The following COL22A1 variants were observed in gnomAD, a reference collection of about 807,000 sequenced individuals.
COL22A1 encodes collagen alpha-1(XXII) chain.
COL22A1 carries 221 observed loss-of-function variants against 248.9 expected under a neutral mutation model. The observed-to-expected ratio is 0.89, with a 90% CI of 0.80 to 0.99. COL22A1 has a LOEUF of 0.99. COL22A1 is among the 50% of genes least tolerant of loss of function. COL22A1 has a pLI of 0.00. For synonymous variants in COL22A1, 891 were observed against 793.4 expected (o/e 1.12, Z -2.07); for missense variants, 2,240 against 2,179.0 (o/e 1.03, Z -0.56).
chr8:138,625,115 A>C (rs1820129611), intron 51 of COL22A1, among the ~76,000 whole-genome samples: 1 of 152,226 alleles, frequency 6.6e-6, no homozygotes. Context: ...TTACACCAAT[A>C]GAAATGCGAT....
chr8:138,766,983 G>A (rs1833959395), intron 16 of COL22A1, among the ~76,000 whole-genome samples: 2 of 152,174 alleles, frequency 1.3e-5, no homozygotes, highest in Admixed American at 6.5e-5. Flanking sequence ...CCCGGGCTCC[G>A]GGGTAGAGGG....
At chr8:138,892,475 A>C (rs948283780) in intron 1 of COL22A1, among the ~76,000 whole-genome samples, 1 of 152,152 alleles carries the variant, frequency 6.6e-6, no homozygotes, top group East Asian at 1.9e-4. Context: ...GAACCTCCAC[A>C]CTCCCCAGCC....
chr8:138,843,634 C>T (rs377267892), intron 4 of COL22A1, among the ~76,000 whole-genome samples: 9 of 152,142 alleles, frequency 5.9e-5, no homozygotes, highest in African/African-American at 1.7e-4. Flanking sequence ...TGAGACTCTG[C>T]GGTATTTCTT....
At chr8:138,657,879 G>A (rs1223713652) in intron 44 of COL22A1, among the ~76,000 whole-genome samples, 1 of 152,224 alleles carries the variant, frequency 6.6e-6, no homozygotes, top group African/African-American at 2.4e-5. Context: ...AGGTGGGACA[G>A]CTTGGTGGTT....
In COL22A1 at chr8:138,860,063, C is replaced by T. The variant is rs1261103518; in HGVS notation, c.659-15905G>A. 2.0e-5 allele frequency among the ~76,000 whole-genome samples: 3 copies of T among 152,168 alleles called. No individual in the cohort carries two copies. In the East Asian group the frequency reaches 5.8e-4, roughly 29 times the overall value. On this transcript the variant is annotated intron_variant, in intron 3 of 64. Transcript: ENST00000303045. Reference sequence around the variant, plus strand: ...TCACATTTCCTAACTAACCAGCCAACCCCTTCACCCACCCCACCTCTGACC... The same window carrying T: ...TCACATTTCCTAACTAACCAGCCAATCCCTTCACCCACCCCACCTCTGACC...
At chr8:138,837,710 A>G (rs1820543284) in intron 4 of COL22A1, among the ~76,000 whole-genome samples, 1 of 152,138 alleles carries the variant, frequency 6.6e-6, no homozygotes, top group Admixed American at 6.5e-5. Context: ...GTGCCTCTGA[A>G]TGGGGGAGCT....
chr8:138,804,916 G>C (rs771507753), intron 10 of COL22A1, among the ~76,000 whole-genome samples: 1 of 145,138 alleles, frequency 6.9e-6, no homozygotes, highest in Non-Finnish European at 1.5e-5. Context: ...TGTGTGATGG[G>C]GTGTGTGTGA....
chr8:138,734,716 A>T (rs551476166), intron 23 of COL22A1, among the ~76,000 whole-genome samples: 1 of 152,254 alleles, frequency 6.6e-6, no homozygotes, highest in Non-Finnish European at 1.5e-5. Flanking sequence ...CCGTAAAGAC[A>T]CATGCACACG....
At chr8:138,676,734 G>GAGAAGC in intron 40 of COL22A1, 99 bp from the exon 41 acceptor site, 1 of 893,422 alleles carries the variant, frequency 1.1e-6, no homozygotes, top group Non-Finnish European at 1.7e-6. Context: ...CTGACTGCAG[G>GAGAAGC]CTTCTCCTGC....
At chr8:138,771,825 G>T (rs1056042203) in intron 16 of COL22A1, among the ~76,000 whole-genome samples, 1 of 152,176 alleles carries the variant, frequency 6.6e-6, no homozygotes, top group Non-Finnish European at 1.5e-5. Context: ...AGCTGTCCCA[G>T]TGGCAGACCT....
intron 50 of COL22A1, among the ~76,000 whole-genome samples, chr8:138,628,830 A>G (rs1188272769): frequency 1.4e-5 from 2 of 146,860 alleles, no homozygotes; most frequent in Non-Finnish European, 3.0e-5. Flanking sequence ...CGGTGGCGCA[A>G]TCTCGGCTTA....
chr8:138,783,200 C>A (rs115316839), intron 12 of COL22A1, among the ~76,000 whole-genome samples: 3 of 152,040 alleles, frequency 2.0e-5, no homozygotes, highest in African/African-American at 7.2e-5. Flanking sequence ...TACTTTGGGG[C>A]AAATTCCTTA....
intron 41 of COL22A1, among the ~76,000 whole-genome samples, chr8:138,666,842 A>G (rs920934654): frequency 6.6e-6 from 1 of 152,214 alleles, no homozygotes; most frequent in African/African-American, 2.4e-5. Flanking sequence ...TCCACTTTGA[A>G]GGATGCGTTT....
chr8:138,694,942 C>T, intron 32 of COL22A1, 63 bp from the exon 33 acceptor site: 1 of 1,537,496 alleles, frequency 6.5e-7, no homozygotes, highest in Non-Finnish European at 8.9e-7. Flanking sequence ...TCACAGGGTA[C>T]ATGTCCCCAG....
intron 6 of COL22A1, among the ~76,000 whole-genome samples, chr8:138,821,734 C>G (rs1482757866): frequency 6.6e-6 from 1 of 152,180 alleles, no homozygotes; most frequent in Non-Finnish European, 1.5e-5. Flanking sequence ...GGTAAGAGAG[C>G]TTTGGTGAGA....
chr8:138,902,940 C>T (rs542322196), intron 1 of COL22A1, among the ~76,000 whole-genome samples: 8 of 152,058 alleles, frequency 5.3e-5, no homozygotes, highest in Non-Finnish European at 1.2e-4. Context: ...TGGTCGTCCA[C>T]CCCTGGTTGT....
At chr8:138,595,036 AG>A (rs1373365694) in intron 62 of COL22A1, among the ~76,000 whole-genome samples, 2 of 152,130 alleles carry the variant, frequency 1.3e-5, no homozygotes, top group African/African-American at 4.8e-5. Context: ...AGTCTTTGTT[AG>A]CCATGCAGTC....
chr8:138,748,029 A>G (rs1025492922), intron 22 of COL22A1, among the ~76,000 whole-genome samples: 1 of 152,180 alleles, frequency 6.6e-6, no homozygotes, highest in East Asian at 1.9e-4. Flanking sequence ...TGAGGGGCAC[A>G]AGCAAGTGTG....
intron 3 of COL22A1, among the ~76,000 whole-genome samples, chr8:138,876,121 T>C (rs1478922152): frequency 6.6e-6 from 1 of 152,164 alleles, no homozygotes; most frequent in East Asian, 1.9e-4. Flanking sequence ...CCCCCCTTTA[T>C]GGGGACCCTG....
Sources: allele counts gnomAD v4.1 joint callset (sites outside exome capture counted in the v4.1 genomes callset), GRCh38; gene constraint gnomAD v4.1.1; transcripts MANE v1.5; gene names NCBI Gene and HGNC (gene_info 2026-07-23, HGNC 2026-07-21).